The following TTC7A variants were observed in gnomAD, a reference collection of about 807,000 sequenced individuals.
TTC7A encodes tetratricopeptide repeat protein 7A.
A neutral mutation model predicts 103.7 loss-of-function variants in TTC7A; 110 were observed. That is an observed-to-expected ratio of 1.06 (90% CI 0.91 to 1.24). TTC7A has a LOEUF of 1.24. TTC7A is among the 50% of genes most tolerant of loss of function. TTC7A has a pLI of 0.00. For synonymous variants in TTC7A, 521 were observed against 467.9 expected, an observed-to-expected ratio of 1.11 and a Z score of -1.47; for missense variants, 1,340 against 1,116.3, an observed-to-expected ratio of 1.20 and a Z score of -2.86.
At chr2:46,944,263 A>T (rs1245967250) in intron 1 of TTC7A, among the ~76,000 whole-genome samples, 2 of 152,128 alleles carry the variant, frequency 1.3e-5, no homozygotes, top group African/African-American at 4.8e-5. Context: ...CCATCAACCA[A>T]CAGCAGTGAT....
rs74444627 is a variant in TTC7A, at chr2:46,978,562, T to TAAAAAAAAAAAAA, written c.649-229_649-217dup. Among the ~76,000 whole-genome samples the TAAAAAAAAAAAAA allele has an allele frequency of 1.1e-3, 142 of 132,716 alleles. 3 individuals are homozygous for TAAAAAAAAAAAAA. The highest frequency in any genetic ancestry group is 7.8e-3 in the Middle Eastern group (2 of 256). The allele number at this position is 132,716 out of a possible 152,430, so 87.1% of individuals were successfully genotyped here. ...GGCAACATAGTAAGACCCTGTTTCTTAAAAAAAAAAAAAGACAGAGGGCTT... is the reference window on the plus strand; with the variant it reads ...GGCAACATAGTAAGACCCTGTTTCTTAAAAAAAAAAAAAAAAAAAAAAAAAAGACAGAGGGCTT... On this transcript the variant is annotated intron_variant, in intron 4 of 19. Transcript: ENST00000319190.
intron 5 of TTC7A, among the ~76,000 whole-genome samples, chr2:46,984,262 C>T (rs1346707976): frequency 1.3e-5 from 2 of 152,240 alleles, no homozygotes; most frequent in Admixed American, 6.5e-5. Flanking sequence ...AGCTGAGCCC[C>T]TGGGGATGCT....
chr2:47,050,138 C>T (rs1682732834), intron 17 of TTC7A, 92 bp downstream of exon 17: 5 of 1,129,962 alleles, frequency 4.4e-6, no homozygotes, highest in Non-Finnish European at 6.5e-6. Flanking sequence ...GCCGGGCCCT[C>T]TCCCAGCCGG....
At chr2:47,036,547 T>C (rs530318961) in intron 15 of TTC7A, among the ~76,000 whole-genome samples, 1 of 152,264 alleles carries the variant, frequency 6.6e-6, no homozygotes, top group East Asian at 1.9e-4. Flanking sequence ...CCTCCCCCTT[T>C]CAGGGAGGGT....
rs1489770738 is a variant in TTC7A at position 46,941,694 on chromosome 2, C to G, written c.153C>G (p.Ser51Arg). Residue 51 changes from serine (S) to arginine (R), a missense_variant, in exon 1 of 20, where the codon AGC (serine) becomes AGG (arginine). Coordinates refer to ENST00000319190, the MANE Select transcript of TTC7A (RefSeq NM_020458.4). The surrounding 1 kb of genome is among the most constrained non-coding windows in gnomAD (Gnocchi z 4.2). ...GCGGCGGAGGTAACAGGCGAGGCAG[C>G]CCGAGCGCAGCGTTCACCTTTCCGG... is the stretch of plus-strand genomic sequence containing the variant. ...MPGGGGNRRG[S>R]PSAAFTFPDT... 1 of 1,550,948 alleles carries G rather than the reference C, an allele frequency of 6.4e-7. No individual in the cohort carries two copies. Among genetic ancestry groups the G allele is most frequent in the Non-Finnish European group, 8.7e-7 (1 of 1,147,490 alleles).
chr2:47,016,927 G>C (rs1678717834), intron 11 of TTC7A, among the ~76,000 whole-genome samples: 1 of 151,774 alleles, frequency 6.6e-6, no homozygotes. Flanking sequence ...GGCCGGGCAA[G>C]GTGGCTCACA....
chr2:46,978,674 C>T, intron 4 of TTC7A, 118 bp from the exon 5 acceptor site: 1 of 686,700 alleles, frequency 1.5e-6, no homozygotes, highest in Non-Finnish European at 2.5e-6. Context: ...TCTGAGAATG[C>T]AACAATGTGC....
In TTC7A at chr2:47,074,181, C is replaced by G; in HGVS notation, c.*258C>G. The G allele has an allele frequency of 1.9e-6, 1 of 527,322 alleles. No homozygotes were observed. Among genetic ancestry groups the G allele is most frequent in the East Asian group, 3.4e-5 (1 of 29,802 alleles). The allele number at this position is 527,322 out of a possible 1,614,324, so 32.7% of individuals were successfully genotyped here. On this transcript the variant is annotated 3_prime_UTR_variant, in exon 20 of 20. Coordinates refer to ENST00000319190, the MANE Select transcript of TTC7A (RefSeq NM_020458.4). ...GAGTTTTGTGGTGACCAGACTTGCT[C>G]CCCAAGAGCTGGGCAGCGGGGAGCC...
intron 5 of TTC7A, among the ~76,000 whole-genome samples, chr2:46,982,090 G>A (rs951902994): frequency 6.6e-6 from 1 of 152,226 alleles, no homozygotes; most frequent in Non-Finnish European, 1.5e-5. Flanking sequence ...AGGGTGGAAG[G>A]AGCTGGGAGC....
chr2:47,069,699 G>A (rs988910816), intron 19 of TTC7A, among the ~76,000 whole-genome samples: 1 of 152,216 alleles, frequency 6.6e-6, no homozygotes, highest in African/African-American at 2.4e-5. Context: ...GGTTGAGGCT[G>A]ACACACCTGA....
intron 1 of TTC7A, among the ~76,000 whole-genome samples, chr2:46,942,593 C>G (rs548722535): frequency 1.3e-5 from 2 of 152,320 alleles, no homozygotes; most frequent in East Asian, 1.9e-4. Context: ...GTGCCAGACA[C>G]TGTCCTGAGC....
chr2:46,974,895 C>T lies in TTC7A; in HGVS notation c.518-78C>T, dbSNP rs559303523. On this transcript the variant is annotated intron_variant, in intron 3 of 19. Transcript: ENST00000319190. ...GAGTGTCTGCCCCCTCGGATGAGCCCACCTTCGGCCCATGGGGAGGGCCTG... is the reference window on the plus strand; with the variant it reads ...GAGTGTCTGCCCCCTCGGATGAGCCTACCTTCGGCCCATGGGGAGGGCCTG... 201 of 1,567,110 alleles carry T rather than the reference C, an allele frequency of 1.3e-4. 1 individual carries two copies. Among genetic ancestry groups the T allele is most frequent in the Non-Finnish European group, 1.7e-4 (192 of 1,151,170 alleles).
intron 18 of TTC7A, among the ~76,000 whole-genome samples, chr2:47,059,009 C>CTTTTTTTTTTTTTTTTTTT (rs35753980): frequency 2.2e-5 from 1 of 44,718 alleles, no homozygotes; most frequent in African/African-American, 1.2e-4. Flanking sequence ...CCTAAGCCTG[C>CTTTTTTTTTTTTTTTTTTT]TTTTTTTTTT....
Position 47,059,009 on chromosome 2 carries a change from C to CTTTTTTTTTTTTTT in TTC7A, c.2153-1743_2153-1730dup, listed in dbSNP as rs35753980. Among the ~76,000 whole-genome samples the CTTTTTTTTTTTTTT allele has an allele frequency of 2.9e-4, 13 of 44,718 alleles. 2 individuals carry two copies. The highest frequency in any genetic ancestry group is 1.6e-3 in the African/African-American group (13 of 8,318). 29.3% of individuals were successfully genotyped at this position (44,718 alleles called of 152,430 possible). ...GTGGGGTCCTCACCTCCTAAGCCTG[C>CTTTTTTTTTTTTTT]TTTTTTTTTTTTTTTTTTTTTTTTT... On this transcript the variant is annotated intron_variant, in intron 18 of 19. Coordinates refer to ENST00000319190, the MANE Select transcript of TTC7A (RefSeq NM_020458.4).
intron 3 of TTC7A, among the ~76,000 whole-genome samples, chr2:46,970,564 G>T (rs768103716): frequency 1.3e-5 from 2 of 152,246 alleles, no homozygotes; most frequent in Non-Finnish European, 2.9e-5. Flanking sequence ...GGACTACAAG[G>T]CAGCTGTGTT....
At chr2:46,949,340 G>A (rs1416485216) in intron 1 of TTC7A, among the ~76,000 whole-genome samples, 1 of 152,156 alleles carries the variant, frequency 6.6e-6, no homozygotes, top group Non-Finnish European at 1.5e-5. Context: ...AATTCAGGCA[G>A]TTCTGCCTCA....
chr2:46,949,526 C>T (rs1181230992), intron 1 of TTC7A, among the ~76,000 whole-genome samples: 1 of 152,176 alleles, frequency 6.6e-6, no homozygotes, highest in African/African-American at 2.4e-5. Flanking sequence ...AGCCACTGCG[C>T]TCACTAAACC....
intron 2 of TTC7A, chr2:46,917,416 C>T: frequency 3.5e-6 from 2 of 563,534 alleles, no homozygotes; most frequent in Middle Eastern, 2.6e-4. Flanking sequence ...TGCCATTCAT[C>T]CATCTCTTCA....
At position 46,962,103 on chromosome 2, in the gene TTC7A, C is replaced by A. The variant is rs58086545; in HGVS notation, c.517+5096C>A. ...TTTCTTTTGTACCCTCAACCAATCT[C>A]CCTCTCTCCTTTCCTGAAGCCCCAC... On this transcript the variant is annotated intron_variant, in intron 3 of 19. Coordinates refer to ENST00000319190, the MANE Select transcript of TTC7A (RefSeq NM_020458.4). Among the ~76,000 whole-genome samples, 1,270 of 152,268 alleles carry A rather than the reference C, an allele frequency of 8.3e-3. 15 individuals are homozygous for A. Among genetic ancestry groups the A allele is most frequent in the African/African-American group, 0.028 (1,183 of 41,518 alleles).
Sources: allele counts gnomAD v4.1 joint callset (sites outside exome capture counted in the v4.1 genomes callset), GRCh38; gene constraint gnomAD v4.1.1; non-coding constraint Gnocchi (gnomAD v3.1); transcripts MANE v1.5; gene names NCBI Gene and HGNC (gene_info 2026-07-23, HGNC 2026-07-21).